Variants in ZNF609 observed in about 807,000 individuals in gnomAD.
The protein encoded by ZNF609 is zinc finger protein 609.
ZNF609 carries 11 observed loss-of-function variants against 109.5 expected under a neutral mutation model. That is an observed-to-expected ratio of 0.10 (90% CI 0.06 to 0.17). ZNF609 has a LOEUF of 0.17. Ranked by LOEUF, ZNF609 falls within the 10% of genes least tolerant of loss-of-function variation. ZNF609 has a pLI of 1.00. For missense variants in ZNF609, 1,559 were observed against 1,772.4 expected (o/e 0.88, Z 2.16); for synonymous variants, 646 against 662.0 (o/e 0.98, Z 0.37).
intron 4 of ZNF609, among the ~76,000 whole-genome samples, chr15:64,671,826 A>G (rs1206198125): frequency 6.6e-6 from 1 of 152,072 alleles, no homozygotes; most frequent in Non-Finnish European, 1.5e-5. Context: ...AGTATCTTAA[A>G]CCTTCATCTG....
intron 2 of ZNF609, among the ~76,000 whole-genome samples, chr15:64,543,474 C>T (rs1438823077): frequency 2.0e-5 from 3 of 150,158 alleles, no homozygotes; most frequent in Non-Finnish European, 4.4e-5. Context: ...AACGGAGCCT[C>T]CCTCTGTTGC....
chr15:64,677,318 C>T (rs2141017735), intron 5 of ZNF609, among the ~76,000 whole-genome samples: 1 of 152,334 alleles, frequency 6.6e-6, no homozygotes, highest in South Asian at 2.1e-4. Flanking sequence ...GCGCCTCAGC[C>T]TCCCAAAGCA....
At chr15:64,562,872 A>AGTGT (rs6145601) in intron 2 of ZNF609, among the ~76,000 whole-genome samples, 5 of 148,980 alleles carry the variant, frequency 3.4e-5, no homozygotes, top group African/African-American at 9.8e-5. Context: ...GGTAAGCGTG[A>AGTGT]GTGTGTGTGT....
chr15:64,598,845 G>A (rs1895445115), intron 2 of ZNF609, among the ~76,000 whole-genome samples: 2 of 143,928 alleles, frequency 1.4e-5, no homozygotes, highest in African/African-American at 5.1e-5. Flanking sequence ...AAGAACATGT[G>A]CATTTTATAT....
rs750700444 is a variant in ZNF609, at chr15:64,609,130, T to TTCTTTCTTTCTTTCTTTCATTC, written c.748-13696_748-13695insCTTTCTTTCTTTCTTTCATTCT. 2.4e-5 allele frequency among the ~76,000 whole-genome samples: 2 copies of TTCTTTCTTTCTTTCTTTCATTC among 84,120 alleles called. 1 individual carries two copies. 55.2% of individuals were successfully genotyped at this position (84,120 alleles called of 152,430 possible). On this transcript the variant is annotated intron_variant, in intron 2 of 9. Transcript: ENST00000326648. The stretch of plus-strand genomic sequence containing the variant: ...TTTCTTTCTTTCTTTCTTTCTTTCT[T>TTCTTTCTTTCTTTCTTTCATTC]TTTTTCTTTCTTTTTTTTCTCTCTC...
Position 64,603,940 on chromosome 15 carries a change from G to C in ZNF609, c.748-18887G>C, listed in dbSNP as rs1895551189. On this transcript the variant is annotated intron_variant, in intron 2 of 9. Coordinates refer to ENST00000326648, the MANE Select transcript of ZNF609 (RefSeq NM_015042.2). ...TTGAACCCGGGAGGTAAAGGTTGCA[G>C]TAAGCCGAGATCACACCACTACAGT... 2.2e-5 allele frequency among the ~76,000 whole-genome samples: 3 copies of C among 136,960 alleles called. No individual in the cohort carries two copies. In the South Asian group the frequency reaches 7.1e-4, roughly 32 times the overall value. The allele number at this position is 136,960 out of a possible 152,430, so 89.9% of individuals were successfully genotyped here.
intron 2 of ZNF609, among the ~76,000 whole-genome samples, chr15:64,538,901 C>T (rs1388747793): frequency 2.0e-5 from 3 of 152,232 alleles, no homozygotes; most frequent in African/African-American, 7.2e-5. Flanking sequence ...GTGGTGTGAT[C>T]ATAGTTCACT....
chr15:64,490,744 A>T (rs1263501784), intron 1 of ZNF609, among the ~76,000 whole-genome samples: 3 of 152,208 alleles, frequency 2.0e-5, no homozygotes, highest in Non-Finnish European at 4.4e-5. Flanking sequence ...CATTTAGCCT[A>T]TTGTGAGATA....
chr15:64,623,569 A>G (rs1342787990), intron 3 of ZNF609, among the ~76,000 whole-genome samples: 4 of 152,142 alleles, frequency 2.6e-5, no homozygotes, highest in African/African-American at 7.2e-5. Context: ...CGCTTCATGT[A>G]TCTGTCACTT....
intron 2 of ZNF609, among the ~76,000 whole-genome samples, chr15:64,542,442 T>C (rs183020006): frequency 7.5e-4 from 114 of 152,342 alleles, no homozygotes; most frequent in African/African-American, 2.5e-3. Flanking sequence ...TGTTATTTTC[T>C]CTCATCATCA....
At position 64,675,100 on chromosome 15, in the gene ZNF609, A is replaced by C. The variant is rs1896789737; in HGVS notation, c.2246A>C (p.Lys749Thr). The change falls in exon 5 of 10, where the codon AAG (lysine) becomes ACG (threonine). Residue 749 changes from lysine to threonine, a missense_variant. Around this residue, in one of 4 missense-constraint regions of ZNF609, gnomAD observed 1,204 missense variants for 1,314.1 expected, o/e 0.92. Coordinates refer to ENST00000326648, the MANE Select transcript of ZNF609 (RefSeq NM_015042.2). ...KELESPLTPG[K>T]VCRAEEGKSP... ...CTTGAAAGTCCTCTGACCCCTGGGA[A>C]GGTGTGTCGAGCAGAGGAAGGCAAA... is the stretch of plus-strand genomic sequence containing the variant. 6.2e-7 allele frequency: 1 copy of C among 1,614,200 alleles called. No homozygotes were observed. Among genetic ancestry groups the C allele is most frequent in the Non-Finnish European group, 8.5e-7 (1 of 1,180,036 alleles).
At position 64,678,296 on chromosome 15, in the gene ZNF609, A is replaced by T. The variant is rs1335982379; in HGVS notation, c.3583A>T (p.Thr1195Ser). 1 of 1,614,046 alleles carries T rather than the reference A, an allele frequency of 6.2e-7. No homozygotes were observed. The highest frequency in any genetic ancestry group is 1.3e-5 in the African/African-American group (1 of 74,922). The change falls in exon 6 of 10, where the codon ACG becomes TCG. Residue 1195 changes from threonine (T) to serine (S), a missense_variant. Physicochemically the swap from Thr to Ser is moderately conservative, Grantham distance 58. Coordinates refer to ENST00000326648, the MANE Select transcript of ZNF609 (RefSeq NM_015042.2). ...ESTSSDCKLP[T>S]SEESRLGSKE... ...CACAAGTAGTGACTGCAAGCTGCCCACGTCAGAGGAGTCTCGCCTTGGGAG... is the reference window on the plus strand; with the variant it reads ...CACAAGTAGTGACTGCAAGCTGCCCTCGTCAGAGGAGTCTCGCCTTGGGAG...
chr15:64,677,004 C>T (rs530017728), intron 5 of ZNF609, among the ~76,000 whole-genome samples: 2 of 152,092 alleles, frequency 1.3e-5, no homozygotes, highest in African/African-American at 2.4e-5. Context: ...CCACCCACCT[C>T]GGCCTCCCAA....
In ZNF609 at chr15:64,499,844, G is replaced by A; in HGVS notation, c.425G>A (p.Gly142Asp). 1.9e-6 allele frequency: 3 copies of A among 1,614,104 alleles called. No homozygotes were observed. Among genetic ancestry groups the A allele is most frequent in the Admixed American group, 1.7e-5 (1 of 59,992 alleles). ...CTGGTTGCTGCTATTGCTCCCAAGG[G>A]CTCAGAGAAGGCGGCTAAGGCATCC... The part of the protein sequence containing the change: ...GGLVAAIAPK[G>D]SEKAAKASRS... The change falls in exon 2 of 10, where the codon GGC (glycine) becomes GAC (aspartate). Residue 142 changes from glycine (G) to aspartate (D), a missense_variant. By Grantham distance (94) the Gly-to-Asp change is moderately conservative (BLOSUM62 -1). Around this residue, in one of 4 missense-constraint regions of ZNF609, gnomAD observed 291 missense variants for 317.8 expected, o/e 0.92. Coordinates refer to ENST00000326648, the MANE Select transcript of ZNF609 (RefSeq NM_015042.2).
chr15:64,681,424 G>A, intron 9 of ZNF609, 37 bp downstream of exon 9: 1 of 1,562,412 alleles, frequency 6.4e-7, no homozygotes, highest in South Asian at 1.1e-5. Flanking sequence ...AACACATAAA[G>A]CCGGGATAGT....
chr15:64,638,328 T>C (rs2140988567), intron 3 of ZNF609, among the ~76,000 whole-genome samples: 1 of 151,970 alleles, frequency 6.6e-6, no homozygotes, highest in East Asian at 1.9e-4. Context: ...TGTTATCTAG[T>C]AGTATAAGTC....
chr15:64,592,869 C>T (rs1032556466), intron 2 of ZNF609: 17 of 610,156 alleles, frequency 2.8e-5, no homozygotes, highest in East Asian at 8.5e-5. Context: ...GCTGGGATCG[C>T]GCCACTGCAC....
intron 2 of ZNF609, among the ~76,000 whole-genome samples, chr15:64,598,867 T>G (rs930788140): frequency 6.7e-6 from 1 of 148,922 alleles, no homozygotes; most frequent in African/African-American, 2.5e-5. Context: ...TTGATACATA[T>G]TGCCAAACTG....
chr15:64,600,743 T>G (rs1011266927), intron 2 of ZNF609, among the ~76,000 whole-genome samples: 1 of 151,722 alleles, frequency 6.6e-6, no homozygotes, highest in African/African-American at 2.4e-5. Context: ...AAAGAAAAAT[T>G]AATGGCCTCT....
Sources: allele counts gnomAD v4.1 joint callset (sites outside exome capture counted in the v4.1 genomes callset), GRCh38; gene constraint gnomAD v4.1.1; regional missense constraint gnomAD v4.1.1; transcripts MANE v1.5; gene names NCBI Gene and HGNC (gene_info 2026-07-23, HGNC 2026-07-21).